Variants in FOXK1 observed in about 807,000 individuals in gnomAD.
FOXK1 encodes forkhead box protein K1.
In FOXK1, 19 loss-of-function variants were observed where a neutral mutation model predicts 51.9. The ratio of observed to expected loss-of-function variants is 0.37; its 90% confidence interval spans 0.26 to 0.54. FOXK1 has a LOEUF of 0.54. Among genes scored for constraint, FOXK1 ranks in the 20% least tolerant of loss-of-function variants. The pLI, the probability that FOXK1 is intolerant of heterozygous loss-of-function variation, is 0.87. For missense variants in FOXK1, 870 were observed against 1,032.7 expected, an observed-to-expected ratio of 0.84 and a Z score of 2.16; for synonymous variants, 537 against 482.6, an observed-to-expected ratio of 1.11 and a Z score of -1.48.
chr7:4,727,909 G>C (rs1780401056), intron 1 of FOXK1, among the ~76,000 whole-genome samples: 1 of 152,236 alleles, frequency 6.6e-6, no homozygotes, highest in African/African-American at 2.4e-5. Context: ...TCCTTCGGGA[G>C]GGGAGGAAAA....
chr7:4,702,590 C>T (rs1018524025), intron 1 of FOXK1, among the ~76,000 whole-genome samples: 2 of 152,242 alleles, frequency 1.3e-5, no homozygotes, highest in African/African-American at 4.8e-5. Flanking sequence ...GGTGATCCCA[C>T]CGGCCTTGGC....
intron 7 of FOXK1, 128 bp downstream of exon 7, chr7:4,759,723 G>A (rs1029416348): frequency 8.8e-6 from 10 of 1,141,252 alleles, no homozygotes; most frequent in Admixed American, 7.9e-5. Flanking sequence ...TCTGCCTCTC[G>A]CTGCCTTGTC....
At position 4,734,876 on chromosome 7, in the gene FOXK1, G is replaced by A. The variant is rs372184078; in HGVS notation, c.561-5962G>A. On this transcript the variant is annotated intron_variant, in intron 1 of 8. Transcript: ENST00000328914. This position sits in a 1 kb window ranked among gnomAD's most constrained non-coding sequence, Gnocchi z 5.2. ...TCCGCTGGGAGAGACGGGGCGAGGGGACAGCGGTGGACAGGAGCGATCTGT... is the reference window on the plus strand; with the variant it reads ...TCCGCTGGGAGAGACGGGGCGAGGGAACAGCGGTGGACAGGAGCGATCTGT... 6.6e-6 allele frequency among the ~76,000 whole-genome samples: 1 copy of A among 152,216 alleles called. No individual in the cohort carries two copies. The highest frequency in any genetic ancestry group is 2.1e-4 in the South Asian group (1 of 4,834).
intron 1 of FOXK1, among the ~76,000 whole-genome samples, chr7:4,688,978 A>C (rs113548383): frequency 0.2 from 29,262 of 144,776 alleles, 3,714 homozygotes; most frequent in Non-Finnish European, 0.3. Flanking sequence ...TCTCACCTGC[A>C]CTTTTTTTTT....
intron 1 of FOXK1, among the ~76,000 whole-genome samples, chr7:4,712,753 A>G (rs532746302): frequency 6.6e-6 from 1 of 152,302 alleles, no homozygotes; most frequent in African/African-American, 2.4e-5. Flanking sequence ...GGTTCTGTTT[A>G]TGCTGCAGAG....
Position 4,731,758 on chromosome 7 carries a change from CAAAAAA to C in FOXK1, c.561-9066_561-9061del, listed in dbSNP as rs374959543. On this transcript the variant is annotated intron_variant, in intron 1 of 8. Transcript: ENST00000328914. The surrounding 1 kb of genome is among the most constrained non-coding windows in gnomAD (Gnocchi z 5.3). ...TGGGCAACAAAGCGAAACTCTGCCT[CAAAAAA>C]AAAAAAAAAAAAAGAAAACAGAGAG... Among the ~76,000 whole-genome samples the C allele has an allele frequency of 1.5e-5, 1 of 68,668 alleles. No homozygotes were observed. Among genetic ancestry groups the C allele is most frequent in the African/African-American group, 4.8e-5 (1 of 21,036 alleles). 45.0% of individuals were successfully genotyped at this position (68,668 alleles called of 152,430 possible).
Position 4,747,008 on chromosome 7 carries a change from A to G in FOXK1, c.746+5985A>G, listed in dbSNP as rs980740293. 2.0e-5 allele frequency among the ~76,000 whole-genome samples: 3 copies of G among 151,832 alleles called. No homozygotes were observed. The highest frequency in any genetic ancestry group is 7.3e-5 in the African/African-American group (3 of 41,328). On this transcript the variant is annotated intron_variant, in intron 2 of 8. Transcript: ENST00000328914. The surrounding 1 kb of genome is among the most constrained non-coding windows in gnomAD (Gnocchi z 9.2). ...GGTTGGGACTTTCTGTCTTCCTTTTATTTTTCCCTCCTGCCTAGATCCCTT... is the reference window on the plus strand; with the variant it reads ...GGTTGGGACTTTCTGTCTTCCTTTTGTTTTTCCCTCCTGCCTAGATCCCTT...
chr7:4,762,261 G>T lies in FOXK1; in HGVS notation c.1999G>T (p.Val667Leu). The T allele has an allele frequency of 1.3e-6, 2 of 1,551,658 alleles. No homozygotes were observed. The highest frequency in any genetic ancestry group is 2.4e-5 in the South Asian group (2 of 84,044). ...APVVVTRVCE[V>L]GPKEPAAAVA... ...GGTGGTGGTCACCCGGGTGTGCGAG[G>T]TGGGGCCCAAGGAGCCAGCAGCAGC... The change falls in exon 9 of 9, where the codon GTG becomes TTG. Residue 667 changes from valine (V) to leucine (L), a missense_variant. Val to Leu is a conservative substitution (Grantham distance 32). This residue lies in a region of FOXK1 where 457 missense variants were observed against 510.8 expected (regional missense o/e 0.89). Transcript: ENST00000328914. The surrounding 1 kb of genome is among the most constrained non-coding windows in gnomAD (Gnocchi z 5.7).
In FOXK1 at chr7:4,743,816, C is replaced by T. The variant is rs900435888; in HGVS notation, c.746+2793C>T. Among the ~76,000 whole-genome samples the T allele has an allele frequency of 5.3e-5, 8 of 152,008 alleles. No individual in the cohort carries two copies. Among genetic ancestry groups the T allele is most frequent in the Non-Finnish European group, 1.2e-4 (8 of 68,008 alleles). ...GGCTCCTGAGGAAGGGCTAGGCCAGCGCCCCCGCCTTAGCCTGGGAGTGGG... is the reference window on the plus strand; with the variant it reads ...GGCTCCTGAGGAAGGGCTAGGCCAGTGCCCCCGCCTTAGCCTGGGAGTGGG... On this transcript the variant is annotated intron_variant, in intron 2 of 8. Coordinates refer to ENST00000328914, the MANE Select transcript of FOXK1 (RefSeq NM_001037165.2). This position sits in a 1 kb window ranked among gnomAD's most constrained non-coding sequence, Gnocchi z 5.3.
chr7:4,694,976 G>A (rs1779934817), intron 1 of FOXK1, among the ~76,000 whole-genome samples: 1 of 152,246 alleles, frequency 6.6e-6, no homozygotes, highest in African/African-American at 2.4e-5. Flanking sequence ...CTGGAACTTA[G>A]TCAATGAAAA....
At position 4,709,628 on chromosome 7, in the gene FOXK1, CTT is replaced by C. The variant is rs1268938573; in HGVS notation, c.560+26762_560+26763del. Among the ~76,000 whole-genome samples the C allele has an allele frequency of 6.6e-6, 1 of 152,208 alleles. No homozygotes were observed. Among genetic ancestry groups the C allele is most frequent in the Admixed American group, 6.5e-5 (1 of 15,284 alleles). ...AAGGGGAGGTTGCAGAAGATTTTAA[CTT>C]TGTTAAAATCATGAACTGGTTTTGC... is the stretch of plus-strand genomic sequence containing the variant. On this transcript the variant is annotated intron_variant, in intron 1 of 8. Coordinates refer to ENST00000328914, the MANE Select transcript of FOXK1 (RefSeq NM_001037165.2). The surrounding 1 kb of genome is among the most constrained non-coding windows in gnomAD (Gnocchi z 5.6).
rs749389614 is a variant in FOXK1 at position 4,745,050 on chromosome 7, G to A, written c.746+4027G>A. 6.6e-6 allele frequency among the ~76,000 whole-genome samples: 1 copy of A among 152,210 alleles called. No homozygotes were observed. Among genetic ancestry groups the A allele is most frequent in the African/African-American group, 2.4e-5 (1 of 41,464 alleles). The stretch of plus-strand genomic sequence containing the variant: ...GTTTCTGCTGTAGGGTGGAGCCGGC[G>A]TGTTTACAAACACTCCCTGCCCTTC... On this transcript the variant is annotated intron_variant, in intron 2 of 8. Transcript: ENST00000328914. The surrounding 1 kb of genome is among the most constrained non-coding windows in gnomAD (Gnocchi z 4.3).
intron 7 of FOXK1, among the ~76,000 whole-genome samples, chr7:4,760,623 G>C (rs1304294554): frequency 6.6e-6 from 1 of 152,226 alleles, no homozygotes; most frequent in East Asian, 1.9e-4. Context: ...GGCTGAGGCA[G>C]GCAGATCACT....
chr7:4,722,599 C>T lies in FOXK1; in HGVS notation c.561-18239C>T. ...GGCACACTCGTATACAACGGGCACA[C>T]ATGCACGTCAGCCGCACACTCATGC... On this transcript the variant is annotated intron_variant, in intron 1 of 8. Transcript: ENST00000328914. The surrounding 1 kb of genome is among the most constrained non-coding windows in gnomAD (Gnocchi z 5.1). Among the ~76,000 whole-genome samples the T allele has an allele frequency of 6.6e-6, 1 of 152,260 alleles. No homozygotes were observed. The highest frequency in any genetic ancestry group is 1.9e-4 in the East Asian group (1 of 5,196).
At position 4,762,196 on chromosome 7, in the gene FOXK1, C is replaced by G; in HGVS notation, c.1934C>G (p.Pro645Arg). 6.4e-7 allele frequency: 1 copy of G among 1,552,886 alleles called. No individual in the cohort carries two copies. The highest frequency in any genetic ancestry group is 8.7e-7 in the Non-Finnish European group (1 of 1,146,722). Reference protein sequence around the residue: ...LAGNAYALTSPLQLLATQASS... With the variant: ...LAGNAYALTSRLQLLATQASS... ...TCCTCCACTCCAGCCCTCACCAGCCCTTTGCAGCTCCTTGCGACCCAAGCG... is the reference window on the plus strand; with the variant it reads ...TCCTCCACTCCAGCCCTCACCAGCCGTTTGCAGCTCCTTGCGACCCAAGCG... The change falls in exon 9 of 9, where the codon CCT (proline) becomes CGT (arginine). Residue 645 changes from proline to arginine, a missense_variant. By Grantham distance (103) the Pro-to-Arg change is moderately radical. Around this residue, in one of 3 missense-constraint regions of FOXK1, gnomAD observed 457 missense variants for 510.8 expected, o/e 0.89. Transcript: ENST00000328914. This position sits in a 1 kb window ranked among gnomAD's most constrained non-coding sequence, Gnocchi z 5.7.
rs1220527700 is a variant in FOXK1 at position 4,756,663 on chromosome 7, G to A, written c.1051-331G>A. ...GCCCATAGTCCCAGCTAGTCAGGAG[G>A]CTGAGGCAGGAGAATCCCTTGAACC... is the stretch of plus-strand genomic sequence containing the variant. On this transcript the variant is annotated intron_variant, in intron 4 of 8. Transcript: ENST00000328914. This position sits in a 1 kb window ranked among gnomAD's most constrained non-coding sequence, Gnocchi z 4.1. 4.6e-5 allele frequency among the ~76,000 whole-genome samples: 7 copies of A among 151,842 alleles called. No individual in the cohort carries two copies. The highest frequency in any genetic ancestry group is 8.8e-5 in the Non-Finnish European group (6 of 67,970).
chr7:4,754,296 C>G (rs771627676), intron 2 of FOXK1, among the ~76,000 whole-genome samples, 163 bp from the exon 3 acceptor site: 4 of 152,228 alleles, frequency 2.6e-5, no homozygotes, highest in Non-Finnish European at 5.9e-5. Context: ...ATCTTGTCCC[C>G]GCCGCTGCGT....
rs144690195 is a variant in FOXK1, at chr7:4,707,720, C to T, written c.560+24852C>T. Among the ~76,000 whole-genome samples, 384 of 151,844 alleles carry T rather than the reference C, an allele frequency of 2.5e-3. 4 individuals are homozygous for T. Among genetic ancestry groups the T allele is most frequent in the African/African-American group, 9.0e-3 (373 of 41,338 alleles). On this transcript the variant is annotated intron_variant, in intron 1 of 8. Transcript: ENST00000328914. This position sits in a 1 kb window ranked among gnomAD's most constrained non-coding sequence, Gnocchi z 4.1. ...TTTTTTTTGAGACGGACTCTCTCTC[C>T]GTTGCCCAGGCTGGAGTGCAGTGGC... is the stretch of plus-strand genomic sequence containing the variant.
chr7:4,700,570 C>G (rs1780008543), intron 1 of FOXK1, among the ~76,000 whole-genome samples: 2 of 152,170 alleles, frequency 1.3e-5, no homozygotes, highest in Admixed American at 1.3e-4. Flanking sequence ...CCTCCCAGCA[C>G]TTTGGGAGGC....
Sources: allele counts gnomAD v4.1 joint callset (sites outside exome capture counted in the v4.1 genomes callset), GRCh38; gene constraint gnomAD v4.1.1; regional missense constraint gnomAD v4.1.1; non-coding constraint Gnocchi (gnomAD v3.1); transcripts MANE v1.5; gene names NCBI Gene and HGNC (gene_info 2026-07-23, HGNC 2026-07-21).